The following FLI1 variants were observed in gnomAD, a reference collection of about 807,000 sequenced individuals.
FLI1 encodes Fli-1 proto-oncogene, ETS transcription factor.
FLI1 carries 13 observed loss-of-function variants against 53.1 expected under a neutral mutation model. The ratio of observed to expected loss-of-function variants is 0.24; its 90% CI spans 0.16 to 0.39. The LOEUF is 0.39. Ranked by LOEUF, FLI1 falls within the 10% of genes least tolerant of loss-of-function variation. The probability of loss-of-function intolerance (pLI) is 1.00; values close to 1 mark genes in which losing one functional copy is unlikely to be tolerated. For missense variants in FLI1, 424 were observed against 600.5 expected (o/e 0.71, Z 3.07); for synonymous variants, 244 against 236.7 (o/e 1.03, Z -0.28).
chr11:128,757,072 C>CTTT (rs1460986406), intron 1 of FLI1, among the ~76,000 whole-genome samples: 33 of 144,772 alleles, frequency 2.3e-4, no homozygotes, highest in African/African-American at 8.7e-4. Context: ...TTCTTTCTTT[C>CTTT]TTTCTTTCTT....
chr11:128,764,783 T>G, intron 2 of FLI1: 2 of 1,593,332 alleles, frequency 1.3e-6, no homozygotes, highest in East Asian at 4.5e-5. Context: ...GCTTGGGAGC[T>G]GCAAGAATGG....
chr11:128,771,436 C>T (rs1474909359), intron 3 of FLI1, among the ~76,000 whole-genome samples: 1 of 152,214 alleles, frequency 6.6e-6, no homozygotes, highest in Non-Finnish European at 1.5e-5. Context: ...AGTCCAAGGA[C>T]AGTTGGTGGA....
chr11:128,754,905 A>T (rs923005923), intron 1 of FLI1, among the ~76,000 whole-genome samples: 1 of 152,222 alleles, frequency 6.6e-6, no homozygotes, highest in African/African-American at 2.4e-5. Context: ...TGTGAACTAC[A>T]TTCTTAAGGA....
At chr11:128,738,487 C>G (rs1401489875) in intron 1 of FLI1, among the ~76,000 whole-genome samples, 1 of 152,192 alleles carries the variant, frequency 6.6e-6, no homozygotes, top group Non-Finnish European at 1.5e-5. Context: ...AGTTCAAGGC[C>G]CCTTTGATTC....
upstream of FLI1, chr11:128,691,761 G>C (rs1937747620): frequency 6.6e-6 from 1 of 152,472 alleles, no homozygotes; most frequent in Admixed American, 6.5e-5. Flanking sequence ...AAGGAATTGG[G>C]GGACAGTATA....
chr11:128,734,651 G>A (rs1346374787), intron 1 of FLI1, among the ~76,000 whole-genome samples: 1 of 152,152 alleles, frequency 6.6e-6, no homozygotes, highest in East Asian at 1.9e-4. Context: ...TCATTTCCTG[G>A]TTTTGAGAAA....
chr11:128,731,117 T>C (rs1292287757), intron 1 of FLI1, among the ~76,000 whole-genome samples: 1 of 152,254 alleles, frequency 6.6e-6, no homozygotes, highest in African/African-American at 2.4e-5. Flanking sequence ...TGGCTATATA[T>C]AGACGCTTGG....
At chr11:128,774,773 C>T (rs1006212878) in intron 4 of FLI1, among the ~76,000 whole-genome samples, 8 of 152,264 alleles carry the variant, frequency 5.3e-5, no homozygotes, top group East Asian at 1.9e-4. Flanking sequence ...CATATGACCC[C>T]GGGGCCCTAA....
Position 128,751,830 on chromosome 11 carries a change from G to GTTTTT in FLI1, c.19-6276_19-6272dup, listed in dbSNP as rs1160739913. 4.6e-3 allele frequency among the ~76,000 whole-genome samples: 610 copies of GTTTTT among 133,506 alleles called. 17 individuals carry two copies. Among genetic ancestry groups the GTTTTT allele is most frequent in the African/African-American group, 0.016 (580 of 36,102 alleles). 87.6% of individuals were successfully genotyped at this position (133,506 alleles called of 152,430 possible). On this transcript the variant is annotated intron_variant, in intron 1 of 8. Transcript: ENST00000527786. ...GGCGTGGGTTTTTTTTTTTGGGTTT[G>GTTTTT]TTTTTTTTTTTTTGTAGAGAAAGAG...
At chr11:128,766,347 G>A (rs539789909) in intron 2 of FLI1, among the ~76,000 whole-genome samples, 70 of 152,300 alleles carry the variant, frequency 4.6e-4, no homozygotes, top group African/African-American at 8.7e-4. Flanking sequence ...GGACTCTGAC[G>A]GCTGGTTTTT....
At chr11:128,790,055 T>C (rs1254019060) in intron 5 of FLI1, among the ~76,000 whole-genome samples, 2 of 140,762 alleles carry the variant, frequency 1.4e-5, no homozygotes, top group Non-Finnish European at 3.1e-5. Flanking sequence ...TGTGTGTGTG[T>C]GTGTGCATGC....
chr11:128,729,929 C>T (rs1939627120), intron 1 of FLI1, among the ~76,000 whole-genome samples: 2 of 152,178 alleles, frequency 1.3e-5, no homozygotes, highest in African/African-American at 4.8e-5. Flanking sequence ...TTTTAGGCAC[C>T]ATGTTGATTA....
At chr11:128,688,791 T>C (rs571418716) in intron 1 of FLI1, among the ~76,000 whole-genome samples, 3 of 152,182 alleles carry the variant, frequency 2.0e-5, no homozygotes, top group Admixed American at 6.5e-5. Flanking sequence ...GACACTGACA[T>C]GCAGTAGTTG....
chr11:128,710,108 T>C (rs1314963186), intron 1 of FLI1, among the ~76,000 whole-genome samples: 1 of 152,210 alleles, frequency 6.6e-6, no homozygotes, highest in Non-Finnish European at 1.5e-5. Flanking sequence ...ATTCTCATCA[T>C]GCATCATCAA....
intron 7 of FLI1, among the ~76,000 whole-genome samples, chr11:128,807,626 A>G (rs558696100): frequency 6.6e-6 from 1 of 152,322 alleles, no homozygotes; most frequent in African/African-American, 2.4e-5. Context: ...TTACTTTCAG[A>G]AATATCCCCA....
At chr11:128,780,501 A>G (rs892640557) in intron 4 of FLI1, among the ~76,000 whole-genome samples, 4 of 152,264 alleles carry the variant, frequency 2.6e-5, no homozygotes, top group Non-Finnish European at 2.9e-5. Context: ...AAGCTGAGGC[A>G]GGAGAATCAC....
chr11:128,782,982 GACTGGA>G (rs1406145856), intron 5 of FLI1, among the ~76,000 whole-genome samples: 7 of 152,186 alleles, frequency 4.6e-5, no homozygotes, highest in Non-Finnish European at 8.8e-5. Flanking sequence ...ACCAGAGAGA[GACTGGA>G]AAAAATATTT....
Position 128,757,092 on chromosome 11 carries a change from C to CTTTCTTT in FLI1, c.19-1022_19-1016dup, listed in dbSNP as rs397849615. Among the ~76,000 whole-genome samples, 350 of 147,000 alleles carry CTTTCTTT rather than the reference C, an allele frequency of 2.4e-3. 2 individuals carry two copies. The highest frequency in any genetic ancestry group is 8.8e-3 in the African/African-American group (338 of 38,472). ...TCTTTCTTTCTTTCTTTCTTTCTTT[C>CTTTCTTT]TTTCTTTCTTTCTTTCTTTCTCTCT... On this transcript the variant is annotated intron_variant, in intron 1 of 8. Coordinates refer to ENST00000527786, the MANE Select transcript of FLI1 (RefSeq NM_002017.5).
intron 1 of FLI1, among the ~76,000 whole-genome samples, chr11:128,713,229 A>G (rs900678399): frequency 1.3e-5 from 2 of 152,256 alleles, no homozygotes; most frequent in African/African-American, 4.8e-5. Flanking sequence ...CCTGCCCTCC[A>G]GAAAGGATAA....
Sources: allele counts gnomAD v4.1 joint callset (sites outside exome capture counted in the v4.1 genomes callset), GRCh38; gene constraint gnomAD v4.1.1; transcripts MANE v1.5; gene names NCBI Gene and HGNC (gene_info 2026-07-23, HGNC 2026-07-21).